The following CAPN2 variants were observed in gnomAD, a reference collection of about 807,000 sequenced individuals.
CAPN2 encodes the protein calpain 2.
Under a neutral mutation model 102.3 loss-of-function variants are expected in CAPN2, and 92 were observed. The observed-to-expected ratio is 0.90, with a 90% CI of 0.76 to 1.07. CAPN2 has a LOEUF of 1.07. CAPN2 is among the 50% of genes least tolerant of loss of function. The pLI is 0.00. For missense variants in CAPN2, 800 were observed against 909.4 expected, an observed-to-expected ratio of 0.88 and a Z score of 1.55; for synonymous variants, 340 against 355.4, an observed-to-expected ratio of 0.96 and a Z score of 0.49.
At chr1:223,737,348 G>A (rs957323711) in intron 2 of CAPN2, among the ~76,000 whole-genome samples, 15 of 152,168 alleles carry the variant, frequency 9.9e-5, no homozygotes, top group African/African-American at 3.1e-4. Flanking sequence ...GGACCTTCAC[G>A]GGGCAGCTTA....
intron 3 of CAPN2, 33 bp from the exon 4 acceptor site, chr1:223,745,273 C>T: frequency 1.2e-6 from 2 of 1,613,668 alleles, no homozygotes; most frequent in Non-Finnish European, 1.7e-6. Context: ...CTGCCACCAG[C>T]TCCTCCTGCA....
rs772246235 is a variant in CAPN2 at position 223,774,811 on chromosome 1, C to T, written c.2080-23C>T. 14 of 1,485,688 alleles carry T rather than the reference C, an allele frequency of 9.4e-6. No individual in the cohort carries two copies. The East Asian group carries it at 1.9e-4, about 20-fold the overall frequency. 92.0% of individuals were successfully genotyped at this position (1,485,688 alleles called of 1,614,324 possible). A position where few individuals can be genotyped will look rare whatever the true frequency, so the allele number is the denominator to read the frequency against. Reference sequence around the variant, plus strand: ...ATTTTAAAAGTGGTCACTGAGCTGACTTTTTTTTTTCCTTCCTCACAGTGG... The same window carrying T: ...ATTTTAAAAGTGGTCACTGAGCTGATTTTTTTTTTTCCTTCCTCACAGTGG... On this transcript the variant is annotated intron_variant, in intron 20 of 20. Coordinates refer to ENST00000295006, the MANE Select transcript of CAPN2 (RefSeq NM_001748.5).
At position 223,754,021 on chromosome 1, in the gene CAPN2, T is replaced by A. The variant is rs1660969909; in HGVS notation, c.1135+1065T>A. ...AACTTCTGAGGCAGGCACTTTCTTATCACCTCCATCTCTAAGATGAGGAAA... is the reference window on the plus strand; with the variant it reads ...AACTTCTGAGGCAGGCACTTTCTTAACACCTCCATCTCTAAGATGAGGAAA... On this transcript the variant is annotated intron_variant, in intron 9 of 20. Transcript: ENST00000295006. The surrounding 1 kb of genome is among the most constrained non-coding windows in gnomAD (Gnocchi z 4.7). 6.6e-6 allele frequency among the ~76,000 whole-genome samples: 1 copy of A among 152,222 alleles called. No homozygotes were observed. Among genetic ancestry groups the A allele is most frequent in the Non-Finnish European group, 1.5e-5 (1 of 68,028 alleles).
chr1:223,706,334 C>T (rs1659604556), intron 1 of CAPN2, among the ~76,000 whole-genome samples: 2 of 152,206 alleles, frequency 1.3e-5, no homozygotes, highest in Non-Finnish European at 1.5e-5. Flanking sequence ...AATACTCATG[C>T]TACAGCTATG....
rs1241405054 is a variant in CAPN2 at position 223,756,715 on chromosome 1, G to T, written c.1306-654G>T. Among the ~76,000 whole-genome samples, 2 of 152,208 alleles carry T rather than the reference G, an allele frequency of 1.3e-5. No individual in the cohort carries two copies. Among genetic ancestry groups the T allele is most frequent in the Admixed American group, 1.3e-4 (2 of 15,286 alleles). On this transcript the variant is annotated intron_variant, in intron 10 of 20. Coordinates refer to ENST00000295006, the MANE Select transcript of CAPN2 (RefSeq NM_001748.5). The surrounding 1 kb of genome is among the most constrained non-coding windows in gnomAD (Gnocchi z 4.1). ...GGCAGCTGGGCAAATACCATCAGTTGTAAAAATGCACATAGGCCTAAACCC... is the reference window on the plus strand; with the variant it reads ...GGCAGCTGGGCAAATACCATCAGTTTTAAAAATGCACATAGGCCTAAACCC...
intron 8 of CAPN2, among the ~76,000 whole-genome samples, 189 bp downstream of exon 8, chr1:223,752,260 A>G (rs1035042671): frequency 3.9e-4 from 59 of 152,242 alleles, no homozygotes; most frequent in African/African-American, 1.4e-3. Flanking sequence ...AGCCCCTTCA[A>G]CGGTCCATCT....
chr1:223,727,189 C>A lies in CAPN2; in HGVS notation c.307+9358C>A, dbSNP rs368438262. Among the ~76,000 whole-genome samples, 1 of 152,162 alleles carries A rather than the reference C, an allele frequency of 6.6e-6. No individual in the cohort carries two copies. The highest frequency in any genetic ancestry group is 1.5e-5 in the Non-Finnish European group (1 of 68,030). ...CAGGAGCAGTCTTCAGTAGCTTGGTCTGTTTATCGTGTATCTAGCTGTCAG... is the reference window on the plus strand; with the variant it reads ...CAGGAGCAGTCTTCAGTAGCTTGGTATGTTTATCGTGTATCTAGCTGTCAG... On this transcript the variant is annotated intron_variant, in intron 2 of 20. Coordinates refer to ENST00000295006, the MANE Select transcript of CAPN2 (RefSeq NM_001748.5). The surrounding 1 kb of genome is among the most constrained non-coding windows in gnomAD (Gnocchi z 4.1).
Position 223,757,429 on chromosome 1 carries a change from A to C in CAPN2, c.1317+49A>C. The C allele has an allele frequency of 3.1e-6, 5 of 1,609,222 alleles. No homozygotes were observed. In the Admixed American group the frequency reaches 6.7e-5, roughly 21 times the overall value. On this transcript the variant is annotated intron_variant, in intron 11 of 20. Coordinates refer to ENST00000295006, the MANE Select transcript of CAPN2 (RefSeq NM_001748.5). The stretch of plus-strand genomic sequence containing the variant: ...GTGCTCAGGTCACCAAAAAAGCGAG[A>C]GGCTTAGACTGCTGGAGCTCAGGGA...
chr1:223,701,643 C>G (rs1047218678), exon 1 of CAPN2: 2 of 151,606 alleles, frequency 1.3e-5, no homozygotes, highest in Non-Finnish European at 2.9e-5. Flanking sequence ...CAGAGACTAA[C>G]GCAAAGGAAC....
At chr1:223,753,730 C>T (rs536706581) in intron 9 of CAPN2, among the ~76,000 whole-genome samples, 8 of 152,298 alleles carry the variant, frequency 5.3e-5, no homozygotes, top group Admixed American at 1.3e-4. Context: ...GGTGACAGGT[C>T]GCAGTCAAAA....
chr1:223,757,597 C>A (rs1254495395), intron 11 of CAPN2: 4 of 570,748 alleles, frequency 7.0e-6, no homozygotes, highest in Non-Finnish European at 1.2e-5. Context: ...GTGGGACCCG[C>A]TGCCTCCCTG....
At position 223,775,098 on chromosome 1, in the gene CAPN2, CAAAG is replaced by C; in HGVS notation, c.*246_*249del. 1 of 523,588 alleles carries C rather than the reference CAAAG, an allele frequency of 1.9e-6. No homozygotes were observed. The highest frequency in any genetic ancestry group is 3.6e-5 in the Admixed American group (1 of 28,102). The allele number at this position is 523,588 out of a possible 1,614,324, so 32.4% of individuals were successfully genotyped here. ...TGAGTCGCTTAACCCTTGACAAGGT[CAAAG>C]AAAGCTTTAAATCTGTAAATAGTAT... On this transcript the variant is annotated 3_prime_UTR_variant, in exon 21 of 21. Coordinates refer to ENST00000295006, the MANE Select transcript of CAPN2 (RefSeq NM_001748.5).
At chr1:223,707,503 T>C (rs1659636550) in intron 1 of CAPN2, among the ~76,000 whole-genome samples, 1 of 152,212 alleles carries the variant, frequency 6.6e-6, no homozygotes, top group Non-Finnish European at 1.5e-5. Context: ...TGAGATAGCA[T>C]AGTGTGAGAG....
chr1:223,711,811 G>T (rs961659911), upstream of CAPN2, among the ~76,000 whole-genome samples: 1 of 152,168 alleles, frequency 6.6e-6, no homozygotes. Context: ...GACCAGGCTG[G>T]TCTCGAACTC....
chr1:223,743,225 G>T (rs762297775), intron 2 of CAPN2, among the ~76,000 whole-genome samples: 2 of 152,196 alleles, frequency 1.3e-5, no homozygotes, highest in Non-Finnish European at 2.9e-5. Context: ...CTGGCCAGCT[G>T]CCCACCTCGT....
chr1:223,732,830 G>A (rs1389998107), intron 2 of CAPN2, among the ~76,000 whole-genome samples: 1 of 152,122 alleles, frequency 6.6e-6, no homozygotes, highest in African/African-American at 2.4e-5. Flanking sequence ...AGTTCTGAAG[G>A]TAACAAGGGG....
intron 15 of CAPN2, among the ~76,000 whole-genome samples, chr1:223,765,940 T>C (rs550423989): frequency 2.0e-5 from 3 of 152,318 alleles, no homozygotes; most frequent in Admixed American, 6.5e-5. Context: ...CTCAGTCAGC[T>C]GGGGACACAG....
chr1:223,757,315 C>T, intron 10 of CAPN2, 54 bp from the exon 11 acceptor site: 1 of 1,599,260 alleles, frequency 6.3e-7, no homozygotes, highest in East Asian at 2.2e-5. Flanking sequence ...CACAGTGATG[C>T]ATTTTCTTAC....
intron 16 of CAPN2, among the ~76,000 whole-genome samples, chr1:223,766,959 CAAAA>C (rs763808349): frequency 1.6e-5 from 2 of 127,706 alleles, no homozygotes; most frequent in East Asian, 4.4e-4. Flanking sequence ...GACTCATCGC[CAAAA>C]AAAAAAAAAG....
Sources: gnomAD v4.1 joint callset for allele counts (sites outside exome capture counted in the v4.1 genomes callset) on GRCh38, gnomAD v4.1.1 for gene constraint, Gnocchi (gnomAD v3.1) non-coding constraint, MANE v1.5 for transcripts, NCBI Gene and HGNC (gene_info 2026-07-23, HGNC 2026-07-21) for gene names.